CACNA1A: variants seen among roughly 807,000 people sequenced by gnomAD.
CACNA1A encodes voltage-dependent P/Q-type calcium channel subunit alpha-1A.
A neutral mutation model predicts 262.4 loss-of-function variants in CACNA1A; 57 were observed. That is an observed-to-expected ratio of 0.22 (90% CI 0.18 to 0.27). The LOEUF (loss-of-function observed/expected upper bound fraction) is 0.27. CACNA1A is among the 10% of genes least tolerant of loss of function. The pLI, the probability that CACNA1A is intolerant of heterozygous loss-of-function variation, is 1.00. For synonymous variants in CACNA1A, 1,431 were observed against 1,419.3 expected (o/e 1.01, Z -0.18); for missense variants, 2,526 against 3,562.8 (o/e 0.71, Z 7.41).
Position 13,312,723 on chromosome 19 carries a change from G to A in CACNA1A, c.1614C>T (p.Tyr538=), listed in dbSNP as rs182505786. 2.4e-3 allele frequency: 3,872 copies of A among 1,594,874 alleles called. 5 individuals carry two copies. The highest frequency in any genetic ancestry group is 3.1e-3 in the Non-Finnish European group (3,609 of 1,172,322). ...GGAAGTAAGGCCGCGTCCCAAGCCCGTACATTTTTATAAACATTTCGGACA... is the reference window on the plus strand; with the variant it reads ...GGAAGTAAGGCCGCGTCCCAAGCCCATACATTTTTATAAACATTTCGGACA... ...LFMSEMFIKM[Y]GLGTRPYFHS... Residue 538 remains tyrosine (Y), a synonymous_variant, in exon 12 of 47, where the codon TAC becomes TAT. Transcript: ENST00000360228.
chr19:13,389,653 A>G (rs1230039167), intron 3 of CACNA1A, among the ~76,000 whole-genome samples: 1 of 152,170 alleles, frequency 6.6e-6, no homozygotes, highest in Non-Finnish European at 1.5e-5. Context: ...GACTTTGAGT[A>G]CCATGTCATA....
chr19:13,268,185 C>A (rs1174663107), intron 24 of CACNA1A, among the ~76,000 whole-genome samples: 2 of 152,152 alleles, frequency 1.3e-5, no homozygotes, highest in African/African-American at 4.8e-5. Flanking sequence ...GCAAAGAGTT[C>A]TGACTTGGGA....
intron 12 of CACNA1A, among the ~76,000 whole-genome samples, chr19:13,309,612 G>A (rs1284907420): frequency 6.6e-6 from 1 of 151,926 alleles, no homozygotes; most frequent in Non-Finnish European, 1.5e-5. Context: ...AGGATAGCTT[G>A]AGCCTAGGAA....
intron 3 of CACNA1A, among the ~76,000 whole-genome samples, chr19:13,389,710 A>G (rs553306647): frequency 5.3e-5 from 8 of 151,950 alleles, no homozygotes; most frequent in South Asian, 4.2e-4. Flanking sequence ...GCCTGTTCAC[A>G]TTTTCGGCCT....
Position 13,308,738 on chromosome 19 carries a change from G to A in CACNA1A, c.1669-210C>T, listed in dbSNP as rs1475061403. On this transcript the variant is annotated intron_variant, in intron 12 of 46. Transcript: ENST00000360228. The surrounding 1 kb of genome is among the most constrained non-coding windows in gnomAD (Gnocchi z 4.2). ...GTCACCCAGGCTGGAGTGCAGTGGC[G>A]CAATCATAGCTCACTGCAGCACTGT... 14 of 484,030 alleles carry A rather than the reference G, an allele frequency of 2.9e-5. No homozygotes were observed. The highest frequency in any genetic ancestry group is 3.9e-5 in the African/African-American group (2 of 51,206). The allele number at this position is 484,030 out of a possible 1,614,324, so 30.0% of individuals were successfully genotyped here.
intron 32 of CACNA1A, 39 bp downstream of exon 32, chr19:13,235,575 C>T: frequency 7.1e-7 from 1 of 1,405,320 alleles, no homozygotes; most frequent in Non-Finnish European, 1.0e-6. Flanking sequence ...GGTCACCTGT[C>T]TTCTCAGCCC....
chr19:13,457,705 T>C (rs193212073), intron 1 of CACNA1A, among the ~76,000 whole-genome samples: 201 of 151,970 alleles, frequency 1.3e-3, no homozygotes, highest in Non-Finnish European at 2.5e-3. Context: ...AGTACAAAAT[T>C]AGCTGGGTGT....
intron 29 of CACNA1A, 38 bp from the exon 30 acceptor site, chr19:13,253,139 C>T (rs1166443180): frequency 2.9e-6 from 4 of 1,370,468 alleles, no homozygotes; most frequent in East Asian, 2.3e-5. Flanking sequence ...GGTCAGCGAG[C>T]AGGGGTGGGA....
rs542708435 is a variant in CACNA1A, at chr19:13,297,909, C to T, written c.3089+635G>A. Among the ~76,000 whole-genome samples the T allele has an allele frequency of 4.5e-3, 683 of 152,090 alleles. 3 individuals are homozygous for T. Among genetic ancestry groups the T allele is most frequent in the Middle Eastern group, 6.8e-3 (2 of 294 alleles). ...TGGCACGATCTCAGCTCACTGCAACCTACCTCCACCTCCCAGGTTCAACTG... is the reference window on the plus strand; with the variant it reads ...TGGCACGATCTCAGCTCACTGCAACTTACCTCCACCTCCCAGGTTCAACTG... On this transcript the variant is annotated intron_variant, in intron 19 of 46. Transcript: ENST00000360228.
intron 6 of CACNA1A, among the ~76,000 whole-genome samples, chr19:13,341,196 T>TA (rs567184880): frequency 1.5e-3 from 232 of 152,216 alleles, no homozygotes; most frequent in Middle Eastern, 3.4e-3. Flanking sequence ...ATCAGGGTGA[T>TA]ACGTCTACAA....
chr19:13,316,552 T>TTAAA (rs765066959), intron 11 of CACNA1A: 1 of 119,162 alleles, frequency 8.4e-6, no homozygotes, highest in African/African-American at 3.2e-5. Flanking sequence ...TAACTGTGGT[T>TTAAA]AAAAAAAAAA....
intron 5 of CACNA1A, chr19:13,362,781 C>G (rs2059133245): frequency 6.6e-6 from 1 of 152,200 alleles, no homozygotes; most frequent in African/African-American, 2.4e-5. Context: ...TCTTAGAAAG[C>G]AGGAAGCCTT....
At chr19:13,279,497 T>C (rs1481668810) in intron 22 of CACNA1A, among the ~76,000 whole-genome samples, 2 of 152,140 alleles carry the variant, frequency 1.3e-5, no homozygotes, top group Non-Finnish European at 2.9e-5. Context: ...TTTTTTAATT[T>C]TTTTTTGAGA....
At chr19:13,304,659 CAAA>C (rs34159456) in intron 15 of CACNA1A, among the ~76,000 whole-genome samples, 15,285 of 103,388 alleles carry the variant, frequency 0.15, 891 homozygotes, top group South Asian at 0.31. Context: ...ATTTTTGTCT[CAAA>C]AAAAAAAAAA....
At position 13,420,304 on chromosome 19, in the gene CACNA1A, A is replaced by G. The variant is rs148702731; in HGVS notation, c.539+32572T>C. On this transcript the variant is annotated intron_variant, in intron 3 of 46. Coordinates refer to ENST00000360228, the MANE Select transcript of CACNA1A (RefSeq NM_001127222.2). ...GCTCACTTCATGGTCTCTTTTCTTA[A>G]GTAAAGCAGTGAATTGAGTTGAATA... is the stretch of plus-strand genomic sequence containing the variant. 3.8e-3 allele frequency among the ~76,000 whole-genome samples: 570 copies of G among 151,718 alleles called. 6 individuals are homozygous for G. The highest frequency in any genetic ancestry group is 0.013 in the African/African-American group (537 of 41,358).
At chr19:13,256,983 T>C (rs559001132) in intron 28 of CACNA1A, 52 of 175,204 alleles carry the variant, frequency 3.0e-4, no homozygotes, top group African/African-American at 1.2e-3. Context: ...ATCTGGAGCA[T>C]CTCAGAGGGA....
intron 6 of CACNA1A, among the ~76,000 whole-genome samples, chr19:13,336,594 G>GGA (rs547329827): frequency 0.056 from 3,644 of 65,474 alleles, 134 homozygotes; most frequent in Middle Eastern, 0.068. Context: ...AGAGAGAGAG[G>GGA]GAGAGAGAGA....
At chr19:13,209,212 C>G (rs888120193) in intron 45 of CACNA1A, 100 bp downstream of exon 45, 18 of 1,368,130 alleles carry the variant, frequency 1.3e-5, no homozygotes, top group Non-Finnish European at 1.5e-5. Context: ...CCATGGAGGC[C>G]TCTCCCTTTC....
intron 3 of CACNA1A, among the ~76,000 whole-genome samples, chr19:13,414,974 A>G (rs1303482162): frequency 6.6e-6 from 1 of 152,098 alleles, no homozygotes; most frequent in Non-Finnish European, 1.5e-5. Flanking sequence ...AAACAAAAGC[A>G]AAACAAACAA....
Sources: allele counts gnomAD v4.1 joint callset (sites outside exome capture counted in the v4.1 genomes callset), GRCh38; gene constraint gnomAD v4.1.1; non-coding constraint Gnocchi (gnomAD v3.1); transcripts MANE v1.5; gene names NCBI Gene and HGNC (gene_info 2026-07-23, HGNC 2026-07-21).